The following MESD variants were observed in gnomAD, a reference collection of about 807,000 sequenced individuals.
MESD encodes LRP chaperone MESD.
In MESD, 7 loss-of-function variants were observed where a neutral mutation model predicts 12.9. The observed-to-expected ratio is 0.54, with a 90% CI of 0.31 to 1.02. The LOEUF is 1.02. Among genes scored for constraint, MESD ranks in the 50% least tolerant of loss-of-function variants. MESD has a pLI of 0.05. For synonymous variants in MESD, 126 were observed against 115.6 expected, an observed-to-expected ratio of 1.09 and a Z score of -0.58; for missense variants, 342 against 296.7, an observed-to-expected ratio of 1.15 and a Z score of -1.12.
In MESD at chr15:80,979,414, G is replaced by A. The variant is rs780843190; in HGVS notation, c.510C>T (p.Ile170=). 1 of 1,614,142 alleles carries A rather than the reference G, an allele frequency of 6.2e-7. No homozygotes were observed. The highest frequency in any genetic ancestry group is 1.1e-5 in the South Asian group (1 of 91,084). Residue 170 remains isoleucine, a synonymous_variant, in exon 3 of 3, where the codon ATC becomes ATT. Coordinates refer to ENST00000261758, the MANE Select transcript of MESD (RefSeq NM_015154.3). The part of the protein sequence containing the change: ...MLRDGSYAWE[I]KDFLVGQDRC... ...TGTCTTGACCGACCAAAAAGTCCTT[G>A]ATCTCCCAGGCGTAGCTCCCATCGC...
At chr15:80,952,106 C>A in exon 4 of MESD, 1 of 448,066 alleles carries the variant, frequency 2.2e-6, no homozygotes, top group South Asian at 1.6e-5. Flanking sequence ...CTTCAACTCC[C>A]CTCCCCGATG....
downstream of MESD, among the ~76,000 whole-genome samples, chr15:80,975,525 T>C: frequency 6.6e-6 from 1 of 152,100 alleles, no homozygotes; most frequent in Non-Finnish European, 1.5e-5. Flanking sequence ...CTTGTCAGTA[T>C]ACAAACACTA....
At chr15:80,964,256 C>T (rs1323870870) in intron 3 of MESD, among the ~76,000 whole-genome samples, 2 of 152,066 alleles carry the variant, frequency 1.3e-5, no homozygotes, top group Non-Finnish European at 2.9e-5. Context: ...ACCTAGGAAT[C>T]CAACTTACAA....
At chr15:80,958,715 T>G (rs912627912) in intron 3 of MESD, among the ~76,000 whole-genome samples, 1 of 152,162 alleles carries the variant, frequency 6.6e-6, no homozygotes, top group African/African-American at 2.4e-5. Flanking sequence ...CACCACCCTT[T>G]AGCAGTATAA....
chr15:80,952,920 G>A lies in MESD; in HGVS notation c.*289-624C>T, dbSNP rs1360380011. 22 of 455,152 alleles carry A rather than the reference G, an allele frequency of 4.8e-5. No homozygotes were observed. In the Admixed American group the frequency reaches 5.2e-4, roughly 11 times the overall value. 28.2% of individuals were successfully genotyped at this position (455,152 alleles called of 1,614,324 possible). On this transcript the variant is annotated intron_variant, in intron 3 of 4. Transcript: ENST00000561312. Reference sequence around the variant, plus strand: ...ACAGAGGAACACAGAATGACCCCATGGAGAACATGAAATTACCTGCCCAAT... The same window carrying A: ...ACAGAGGAACACAGAATGACCCCATAGAGAACATGAAATTACCTGCCCAAT...
At chr15:80,951,866 T>C (rs1438227133) in intron 4 of MESD, 1 of 169,086 alleles carries the variant, frequency 5.9e-6, no homozygotes, top group Non-Finnish European at 1.3e-5. Flanking sequence ...TAAACAGTTA[T>C]CTAAGGATAA....
At chr15:80,952,085 G>A (rs530100892) in exon 4 of MESD, 1 of 437,206 alleles carries the variant, frequency 2.3e-6, no homozygotes, top group South Asian at 1.6e-5. Flanking sequence ...TAAGCTGTCA[G>A]GAGGCTGTCA....
chr15:80,962,629 A>G (rs1902107800), intron 3 of MESD, among the ~76,000 whole-genome samples: 1 of 152,222 alleles, frequency 6.6e-6, no homozygotes, highest in Admixed American at 6.5e-5. Context: ...AGAAACCACA[A>G]CAAACTGTCT....
Position 80,979,044 on chromosome 15 carries a change from GAAGCC to G in MESD, c.*170_*174del, listed in dbSNP as rs1436812811. 3 of 765,000 alleles carry G rather than the reference GAAGCC, an allele frequency of 3.9e-6. No individual in the cohort carries two copies. Among genetic ancestry groups the G allele is most frequent in the Non-Finnish European group, 6.2e-6 (3 of 480,414 alleles). The allele number at this position is 765,000 out of a possible 1,614,324, so 47.4% of individuals were successfully genotyped here. ...TTAGAAAACATCTGTCTTCTTACTTGAAGCCTATTAAGCAGTAATTCTTTGACCAC... is the reference window on the plus strand; with the variant it reads ...TTAGAAAACATCTGTCTTCTTACTTGTATTAAGCAGTAATTCTTTGACCAC... On this transcript the variant is annotated 3_prime_UTR_variant, in exon 3 of 3. Transcript: ENST00000261758.
At chr15:80,967,108 A>G (rs1902189297) in intron 3 of MESD, among the ~76,000 whole-genome samples, 1 of 152,086 alleles carries the variant, frequency 6.6e-6, no homozygotes, top group African/African-American at 2.4e-5. Flanking sequence ...CCTGACCAAC[A>G]TGAAGAAACC....
At chr15:80,960,005 G>T (rs949765887) in intron 3 of MESD, among the ~76,000 whole-genome samples, 2 of 152,164 alleles carry the variant, frequency 1.3e-5, no homozygotes, top group Non-Finnish European at 2.9e-5. Flanking sequence ...TTAACAATTG[G>T]TTTTCACCAG....
downstream of MESD, among the ~76,000 whole-genome samples, chr15:80,972,333 T>C (rs1902306470): frequency 6.6e-6 from 1 of 152,236 alleles, no homozygotes. Context: ...CAATTCACTG[T>C]GGCTGCTGCA....
chr15:80,968,973 G>A (rs1397771952), intron 3 of MESD, among the ~76,000 whole-genome samples: 1 of 152,196 alleles, frequency 6.6e-6, no homozygotes, highest in Non-Finnish European at 1.5e-5. Flanking sequence ...AGGATTGCTT[G>A]AACCCAGGAG....
At chr15:80,988,694 T>A (rs1302543975) in intron 1 of MESD, among the ~76,000 whole-genome samples, 1 of 152,130 alleles carries the variant, frequency 6.6e-6, no homozygotes, top group Non-Finnish European at 1.5e-5. Context: ...AATCACAAAA[T>A]AACAAAACAT....
chr15:80,987,978 A>G (rs1435952437), intron 1 of MESD, among the ~76,000 whole-genome samples: 1 of 152,234 alleles, frequency 6.6e-6, no homozygotes, highest in Non-Finnish European at 1.5e-5. Context: ...AATTTAAAAA[A>G]CAAAATCAAC....
intron 3 of MESD, among the ~76,000 whole-genome samples, chr15:80,957,751 C>T (rs1245847752): frequency 6.6e-6 from 1 of 152,146 alleles, no homozygotes; most frequent in Non-Finnish European, 1.5e-5. Flanking sequence ...CAGAAGGAGC[C>T]AATGTTTCAG....
chr15:80,967,390 A>ATCCTAAGGGAGTCAGGGACC (rs1902195983), intron 3 of MESD, among the ~76,000 whole-genome samples: 1 of 152,210 alleles, frequency 6.6e-6, no homozygotes, highest in Non-Finnish European at 1.5e-5. Flanking sequence ...GGAAGCTTCT[A>ATCCTAAGGGAGTCAGGGACC]TCCTAAGGGA....
At chr15:80,981,356 G>A (rs1902571581) in intron 2 of MESD, among the ~76,000 whole-genome samples, 1 of 145,190 alleles carries the variant, frequency 6.9e-6, no homozygotes, top group Admixed American at 7.1e-5. Flanking sequence ...AGAATGGCGT[G>A]AACCGGGAAG....
At chr15:80,974,009 G>T (rs765042449), downstream of MESD, among the ~76,000 whole-genome samples, 36 of 152,030 alleles carry the variant, frequency 2.4e-4, no homozygotes, top group Non-Finnish European at 3.8e-4. Flanking sequence ...CTATCACGGG[G>T]GAACTCTCTG....
Sources: allele counts gnomAD v4.1 joint callset (sites outside exome capture counted in the v4.1 genomes callset), GRCh38; gene constraint gnomAD v4.1.1; transcripts MANE v1.5; gene names NCBI Gene and HGNC (gene_info 2026-07-23, HGNC 2026-07-21).